Variants in MYG1 observed in about 807,000 individuals in gnomAD.
MYG1 encodes MYG1 exonuclease.
MYG1 carries 36 observed loss-of-function variants against 43.5 expected under a neutral mutation model. That is an observed-to-expected ratio of 0.83 (90% CI 0.63 to 1.09). The LOEUF (loss-of-function observed/expected upper bound fraction) is 1.09, where lower values mean the gene tolerates loss of function less well. MYG1 is among the 50% of genes least tolerant of loss of function. MYG1 has a pLI of 0.00. For synonymous variants in MYG1, 220 were observed against 202.8 expected, an observed-to-expected ratio of 1.08 and a Z score of -0.72; for missense variants, 529 against 495.1, an observed-to-expected ratio of 1.07 and a Z score of -0.65.
At position 53,303,719 on chromosome 12, in the gene MYG1, T is replaced by C. The variant is rs182826395; in HGVS notation, c.489+526T>C. 680 of 154,020 alleles carry C rather than the reference T, an allele frequency of 4.4e-3. 6 individuals carry two copies. The highest frequency in any genetic ancestry group is 0.023 in the Middle Eastern group (7 of 300). The allele number at this position is 154,020 out of a possible 1,614,324, so 9.5% of individuals were successfully genotyped here. ...CCTGCTCTTAGGGAAAGAATATGGC[T>C]AGTGGCCCTGGCATGCAAGTCAGGT... On this transcript the variant is annotated intron_variant, in intron 3 of 6. Transcript: ENST00000267103.
Position 53,300,200 on chromosome 12 carries a change from C to T in MYG1, c.267C>T (p.Asp89=). Residue 89 remains aspartate, a synonymous_variant, in exon 2 of 7, where the codon GAC becomes GAT. Coordinates refer to ENST00000267103, the MANE Select transcript of MYG1 (RefSeq NM_021640.4). ...ATCCCGAAAAACTCGCTTCCTGTGACATCGTGGTGGACGTGGGGGGCGAGT... is the reference window on the plus strand; with the variant it reads ...ATCCCGAAAAACTCGCTTCCTGTGATATCGTGGTGGACGTGGGGGGCGAGT... ...TRDPEKLASC[D]IVVDVGGEYD... The T allele has an allele frequency of 3.7e-6, 6 of 1,606,892 alleles. No homozygotes were observed. The highest frequency in any genetic ancestry group is 5.1e-6 in the Non-Finnish European group (6 of 1,176,102).
At chr12:53,300,401 A>C in intron 2 of MYG1, 139 bp downstream of exon 2, 1 of 644,404 alleles carries the variant, frequency 1.6e-6, no homozygotes, top group Middle Eastern at 2.6e-4. Context: ...CTAGGACTAC[A>C]TCATCCTTCC....
intron 2 of MYG1, among the ~76,000 whole-genome samples, chr12:53,300,922 CT>C (rs555046857): frequency 1.0e-3 from 141 of 140,342 alleles, no homozygotes; most frequent in Middle Eastern, 3.6e-3. Context: ...TTTTTCTTTT[CT>C]TTTTTTTTTT....
At position 53,307,170 on chromosome 12, in the gene MYG1, C is replaced by A; in HGVS notation, c.*21C>A. ...CCTAGTCTAATAAAACCTTCCATCT[C>A]ATACTGACCCAGTCCTTGACTTATT... is the stretch of plus-strand genomic sequence containing the variant. On this transcript the variant is annotated 3_prime_UTR_variant, in exon 7 of 7. Transcript: ENST00000267103. 2 of 1,585,602 alleles carry A rather than the reference C, an allele frequency of 1.3e-6. No individual in the cohort carries two copies. The highest frequency in any genetic ancestry group is 1.7e-6 in the Non-Finnish European group (2 of 1,165,644).
chr12:53,304,870 T>G (rs7313945), intron 3 of MYG1, among the ~76,000 whole-genome samples: 4 of 138,226 alleles, frequency 2.9e-5, no homozygotes, highest in African/African-American at 1.2e-4. Context: ...TGTTTTTTTT[T>G]TTTTTTTTTT....
rs982966768 is a variant in MYG1, at chr12:53,306,190, A to G, written c.643-8A>G. ...CAGCATCATGGTTCTAATTCTCATC[A>G]TTCCCAGGCAGGGTTCAAGCGTGCA... On this transcript the variant is annotated splice_region_variant and splice_polypyrimidine_tract_variant and intron_variant, in intron 4 of 6. Coordinates refer to ENST00000267103, the MANE Select transcript of MYG1 (RefSeq NM_021640.4). The G allele has an allele frequency of 3.1e-6, 5 of 1,614,082 alleles. No homozygotes were observed. The highest frequency in any genetic ancestry group is 4.2e-6 in the Non-Finnish European group (5 of 1,180,050).
intron 5 of MYG1, 76 bp downstream of exon 5, chr12:53,306,396 C>T (rs1041199828): frequency 1.3e-6 from 2 of 1,584,346 alleles, no homozygotes; most frequent in South Asian, 1.1e-5. Context: ...CTTCTTCTAC[C>T]CTAAACCCTG....
chr12:53,300,493 C>T (rs1194526548), intron 2 of MYG1, among the ~76,000 whole-genome samples: 1 of 152,194 alleles, frequency 6.6e-6, no homozygotes, highest in East Asian at 1.9e-4. Context: ...CTTATCTCAT[C>T]TCCTTCCTTA....
At chr12:53,304,875 T>G (rs1420564775) in intron 3 of MYG1, among the ~76,000 whole-genome samples, 20 of 145,256 alleles carry the variant, frequency 1.4e-4, no homozygotes, top group African/African-American at 2.3e-4. Context: ...TTTTTTTTTT[T>G]TTTTTTTTTT....
chr12:53,306,526 T>C, intron 5 of MYG1, 154 bp from the exon 6 acceptor site: 1 of 1,080,796 alleles, frequency 9.3e-7, no homozygotes, highest in Non-Finnish European at 1.3e-6. Context: ...GTATTTTTTG[T>C]AGAGACAGGG....
chr12:53,300,222 GA>G lies in MYG1; in HGVS notation c.290del (p.Glu97GlyfsTer20). On this transcript the variant is annotated frameshift_variant, in exon 2 of 7. Coordinates refer to ENST00000267103, the MANE Select transcript of MYG1 (RefSeq NM_021640.4). LOFTEE classifies it high-confidence loss of function. The stretch of plus-strand genomic sequence containing the variant: ...TGACATCGTGGTGGACGTGGGGGGC[GA>G]GTACGACCCTCGGAGACACCGATAT... ...SCDIVVDVGG[E>X]YDPRRHRYDH... 1 of 1,603,208 alleles carries G rather than the reference GA, an allele frequency of 6.2e-7. No homozygotes were observed.
chr12:53,300,034 C>G, intron 1 of MYG1, 81 bp downstream of exon 1: 1 of 1,561,784 alleles, frequency 6.4e-7, no homozygotes, highest in Non-Finnish European at 8.7e-7. Context: ...CAGGGTCACT[C>G]CGATAGCGCC....
At chr12:53,305,691 G>T in intron 3 of MYG1, 1 of 535,588 alleles carries the variant, frequency 1.9e-6, no homozygotes, top group Non-Finnish European at 3.2e-6. Context: ...AATGAGCATG[G>T]ATTAGAAATC....
Position 53,300,026 on chromosome 12 carries a change from G to A in MYG1, c.216+73G>A. The A allele has an allele frequency of 1.9e-6, 3 of 1,581,578 alleles. No individual in the cohort carries two copies. In the East Asian group the frequency reaches 6.8e-5, roughly 36 times the overall value. On this transcript the variant is annotated intron_variant, in intron 1 of 6. Coordinates refer to ENST00000267103, the MANE Select transcript of MYG1 (RefSeq NM_021640.4). ...CGGGGTGGATGGCATTCCGCCAACA[G>A]GGTCACTCCGATAGCGCCCGGCAGC...
chr12:53,301,782 G>GGA (rs1289109380), intron 2 of MYG1, among the ~76,000 whole-genome samples: 3 of 151,620 alleles, frequency 2.0e-5, no homozygotes, highest in Admixed American at 2.0e-4. Context: ...TCCGTCTGCT[G>GGA]GGTTCAAGTG....
At position 53,302,782 on chromosome 12, in the gene MYG1, C is replaced by G. The variant is rs1215352663; in HGVS notation, c.330-252C>G. 2.6e-5 allele frequency among the ~76,000 whole-genome samples: 4 copies of G among 152,144 alleles called. No homozygotes were observed. In the East Asian group the frequency reaches 7.7e-4, roughly 29 times the overall value. On this transcript the variant is annotated intron_variant, in intron 2 of 6. Coordinates refer to ENST00000267103, the MANE Select transcript of MYG1 (RefSeq NM_021640.4). The stretch of plus-strand genomic sequence containing the variant: ...ATCTTTCAGAACTGACCTGAAGGCT[C>G]TCCTCTGAACCCTTTCCTCATCCCT...
intron 2 of MYG1, among the ~76,000 whole-genome samples, chr12:53,302,568 A>C (rs1198756025): frequency 6.6e-6 from 1 of 152,192 alleles, no homozygotes; most frequent in Non-Finnish European, 1.5e-5. Context: ...ACCCACAGAT[A>C]AAGTCCGATG....
chr12:53,302,753 A>C (rs941756029), intron 2 of MYG1, among the ~76,000 whole-genome samples: 1 of 151,998 alleles, frequency 6.6e-6, no homozygotes, highest in African/African-American at 2.4e-5. Flanking sequence ...ACACCCACTA[A>C]TTCATCTTTC....
intron 5 of MYG1, 26 bp downstream of exon 5, chr12:53,306,346 G>A: frequency 2.5e-6 from 4 of 1,612,936 alleles, no homozygotes; most frequent in Non-Finnish European, 3.4e-6. Context: ...GAGGCATTAT[G>A]GCTTGAGGAT....
Sources: allele counts gnomAD v4.1 joint callset (sites outside exome capture counted in the v4.1 genomes callset), GRCh38; gene constraint gnomAD v4.1.1; transcripts MANE v1.5; gene names NCBI Gene and HGNC (gene_info 2026-07-23, HGNC 2026-07-21).